Variants in PIK3C2G observed in about 807,000 individuals in gnomAD.
PIK3C2G encodes phosphatidylinositol 3-kinase C2 domain-containing subunit gamma.
Under a neutral mutation model 181.1 loss-of-function variants are expected in PIK3C2G, and 168 were observed. The observed-to-expected ratio is 0.93, with a 90% CI of 0.82 to 1.05. PIK3C2G has a LOEUF of 1.05. Ranked by LOEUF, PIK3C2G falls within the 50% of genes least tolerant of loss-of-function variation. The pLI, the probability that PIK3C2G is intolerant of heterozygous loss-of-function variation, is 0.00. For missense variants in PIK3C2G, 1,869 were observed against 1,732.8 expected (o/e 1.08, Z -1.40); for synonymous variants, 573 against 592.2 (o/e 0.97, Z 0.47).
chr12:18,545,794 A>G (rs1218563449), intron 25 of PIK3C2G, among the ~76,000 whole-genome samples: 3 of 151,942 alleles, frequency 2.0e-5, no homozygotes, highest in Admixed American at 6.6e-5. Context: ...TTTATACTCT[A>G]TGTTTGCACA....
intron 10 of PIK3C2G, among the ~76,000 whole-genome samples, chr12:18,345,172 T>C (rs1242382655): frequency 1.3e-5 from 2 of 152,182 alleles, no homozygotes; most frequent in Non-Finnish European, 2.9e-5. Context: ...AGAAACAAGA[T>C]GTTTCCATAA....
intron 14 of PIK3C2G, 53 bp downstream of exon 14, chr12:18,381,933 G>A (rs1942870083): frequency 1.3e-5 from 13 of 1,025,350 alleles, no homozygotes; most frequent in Middle Eastern, 2.0e-4. Flanking sequence ...TGGTTGATAC[G>A]TAGTTTGTTG....
At chr12:18,412,683 C>A (rs1944932899) in intron 16 of PIK3C2G, among the ~76,000 whole-genome samples, 2 of 152,072 alleles carry the variant, frequency 1.3e-5, no homozygotes, top group Admixed American at 1.3e-4. Context: ...GAATTTATTT[C>A]TAATATAATT....
intron 1 of PIK3C2G, among the ~76,000 whole-genome samples, chr12:18,262,171 G>A (rs1458870924): frequency 6.6e-6 from 1 of 151,888 alleles, no homozygotes; most frequent in African/African-American, 2.4e-5. Context: ...CTCTTTATTC[G>A]TAGCTCACTG....
At chr12:18,549,742 G>A (rs751726286) in intron 26 of PIK3C2G, among the ~76,000 whole-genome samples, 1 of 152,008 alleles carries the variant, frequency 6.6e-6, no homozygotes, top group African/African-American at 2.4e-5. Context: ...CATCAGCAGA[G>A]AACAGAAGTT....
At chr12:18,646,731 T>TC (rs1033336329) in intron 32 of PIK3C2G, among the ~76,000 whole-genome samples, 1 of 152,128 alleles carries the variant, frequency 6.6e-6, no homozygotes, top group African/African-American at 2.4e-5. Context: ...CTAAATGTGT[T>TC]CTAAGACATT....
intron 24 of PIK3C2G, among the ~76,000 whole-genome samples, chr12:18,522,489 A>T (rs1243980895): frequency 6.6e-6 from 1 of 151,010 alleles, no homozygotes; most frequent in Non-Finnish European, 1.5e-5. Context: ...TCTGAAGGAC[A>T]ACTTTGCCAG....
intron 32 of PIK3C2G, among the ~76,000 whole-genome samples, chr12:18,646,852 G>A (rs958473579): frequency 4.6e-5 from 7 of 151,956 alleles, no homozygotes; most frequent in South Asian, 2.1e-4. Context: ...GCAGGTTGCC[G>A]ATGGACCTGT....
Position 18,470,739 on chromosome 12 carries a change from T to C in PIK3C2G, c.2505-17710T>C, listed in dbSNP as rs771774112. ...CATTCCTCAAAAAATCCCTTGCAAC[T>C]CTTCCTTCCTTCCAGCCACCACCCA... On this transcript the variant is annotated intron_variant, in intron 18 of 32. Transcript: ENST00000538779. 1.1e-3 allele frequency among the ~76,000 whole-genome samples: 169 copies of C among 152,100 alleles called. 1 individual carries two copies. Among genetic ancestry groups the C allele is most frequent in the Non-Finnish European group, 1.7e-3 (113 of 68,018 alleles).
chr12:18,693,724 G>A, the PIK3C2G span: 230 of 1,547,082 alleles, frequency 1.5e-4, 2 homozygotes, highest in Non-Finnish European at 1.3e-4. Flanking sequence ...TGAACCAGTT[G>A]GATGGATTTG....
At position 18,505,293 on chromosome 12, in the gene PIK3C2G, C is replaced by A. The variant is rs778842175; in HGVS notation, c.3155C>A (p.Ala1052Asp). Residue 1052 changes from alanine to aspartate, a missense_variant and splice_region_variant, in exon 24 of 33, where the codon GCC (alanine) becomes GAC (aspartate). Coordinates refer to ENST00000538779, the MANE Select transcript of PIK3C2G (RefSeq NM_001288772.2). ...CATGATTGTTTTTCAATGAATTAGG[C>A]CTTGAGGAACTTTTTCTACTCCTGT... is the stretch of plus-strand genomic sequence containing the variant. ...HNHLKADYEK[A>D]LRNFFYSCAG... 4.4e-6 allele frequency: 7 copies of A among 1,590,674 alleles called. No individual in the cohort carries two copies. Among genetic ancestry groups the A allele is most frequent in the African/African-American group, 2.7e-5 (2 of 74,338 alleles).
rs368416428 is a variant in PIK3C2G, at chr12:18,641,763, T to G, written c.4308+1209T>G. 2.4e-3 allele frequency among the ~76,000 whole-genome samples: 335 copies of G among 142,182 alleles called. 2 individuals are homozygous for G. The highest frequency in any genetic ancestry group is 8.3e-3 in the African/African-American group (318 of 38,092). The allele number at this position is 142,182 out of a possible 152,430, so 93.3% of individuals were successfully genotyped here. On this transcript the variant is annotated intron_variant, in intron 32 of 32. Transcript: ENST00000538779. ...TCAAGCTTTTTTTTTTTTTTTTTTT[T>G]GAGATGGAGCCCTTCACTCTGTGTC...
At chr12:18,388,267 C>CTTTTCTTT in intron 14 of PIK3C2G, among the ~76,000 whole-genome samples, 1 of 151,890 alleles carries the variant, frequency 6.6e-6, no homozygotes, top group East Asian at 1.9e-4. Flanking sequence ...TATGTCTTTT[C>CTTTTCTTT]TTTTCTTTTT....
At chr12:18,338,609 G>C in intron 9 of PIK3C2G, 61 bp downstream of exon 9, 1 of 1,188,620 alleles carries the variant, frequency 8.4e-7, no homozygotes, top group Non-Finnish European at 1.2e-6. Context: ...TAATTAAGGA[G>C]AGTGAAAGAC....
At chr12:18,283,857 T>A (rs1949327669) in intron 2 of PIK3C2G, among the ~76,000 whole-genome samples, 1 of 152,064 alleles carries the variant, frequency 6.6e-6, no homozygotes, top group Admixed American at 6.6e-5. Context: ...TTGAAGGTGT[T>A]GAATAGGCAG....
chr12:18,504,057 A>G (rs1941675244), intron 23 of PIK3C2G, among the ~76,000 whole-genome samples: 1 of 152,134 alleles, frequency 6.6e-6, no homozygotes, highest in African/African-American at 2.4e-5. Flanking sequence ...AGGAGCACCT[A>G]AATGCTAATT....
intron 10 of PIK3C2G, among the ~76,000 whole-genome samples, chr12:18,344,211 T>C (rs1383109538): frequency 6.6e-6 from 1 of 152,084 alleles, no homozygotes; most frequent in African/African-American, 2.4e-5. Flanking sequence ...AACCCCTGGA[T>C]TCAGAACAAT....
intron 1 of PIK3C2G, among the ~76,000 whole-genome samples, chr12:18,265,426 A>C (rs10770345): frequency 0.35 from 53,204 of 152,058 alleles, 9,794 homozygotes; most frequent in Non-Finnish European, 0.41. Flanking sequence ...TGTAAAGTTA[A>C]TATTAGTTAA....
At chr12:18,397,493 T>C (rs60788972) in intron 15 of PIK3C2G, among the ~76,000 whole-genome samples, 15,423 of 150,100 alleles carry the variant, frequency 0.1, 1,103 homozygotes, top group Admixed American at 0.25. Context: ...GAGCAGAGAG[T>C]TCAAACAAAA....
Sources: gnomAD v4.1 joint callset for allele counts (sites outside exome capture counted in the v4.1 genomes callset) on GRCh38, gnomAD v4.1.1 for gene constraint, MANE v1.5 for transcripts, NCBI Gene and HGNC (gene_info 2026-07-23, HGNC 2026-07-21) for gene names.